PHTF2: variants seen among roughly 807,000 people sequenced by gnomAD.
PHTF2 encodes the protein putative homeodomain transcription factor 2.
PHTF2 carries 60 observed loss-of-function variants against 101.2 expected under a neutral mutation model. The observed-to-expected ratio is 0.59, with a 90% confidence interval of 0.48 to 0.73. The LOEUF is 0.73. Among genes scored for constraint, PHTF2 ranks in the 30% least tolerant of loss-of-function variants. PHTF2 has a pLI of 0.00. For missense variants in PHTF2, 747 were observed against 908.7 expected (o/e 0.82, Z 2.29); for synonymous variants, 311 against 307.3 (o/e 1.01, Z -0.13).
intron 16 of PHTF2, among the ~76,000 whole-genome samples, chr7:77,945,160 T>C (rs977500023): frequency 5.9e-5 from 9 of 152,108 alleles, no homozygotes; most frequent in Non-Finnish European, 1.3e-4. Context: ...GCCAATATGG[T>C]GAAACCTCTC....
At chr7:77,947,294 G>C (rs948086069) in intron 16 of PHTF2, among the ~76,000 whole-genome samples, 1 of 152,012 alleles carries the variant, frequency 6.6e-6, no homozygotes, top group African/African-American at 2.4e-5. Flanking sequence ...GAGCGCGGTG[G>C]CTCACGCCTA....
chr7:77,925,495 G>GTTTTTTTTTTT lies in PHTF2; in HGVS notation c.1119+2738_1119+2748dup, dbSNP rs58290945. 3.0e-3 allele frequency among the ~76,000 whole-genome samples: 220 copies of GTTTTTTTTTTT among 73,164 alleles called. 20 individuals carry two copies. The highest frequency in any genetic ancestry group is 0.012 in the African/African-American group (204 of 17,298). The allele number at this position is 73,164 out of a possible 152,430, so 48.0% of individuals were successfully genotyped here. On this transcript the variant is annotated intron_variant, in intron 11 of 19. Coordinates refer to ENST00000416283, the Ensembl canonical transcript of PHTF2. ...GCAATTATAGGCAATAGTTTTTAGG[G>GTTTTTTTTTTT]TTTTTTTTTTTTTTTTTTTTTTTTT...
intron 3 of PHTF2, among the ~76,000 whole-genome samples, chr7:77,858,807 G>A (rs956481365): frequency 6.6e-6 from 1 of 152,016 alleles, no homozygotes; most frequent in Non-Finnish European, 1.5e-5. Context: ...TTAATTTATT[G>A]TGATAATGAA....
intron 3 of PHTF2, among the ~76,000 whole-genome samples, chr7:77,891,929 GA>G (rs1372628201): frequency 6.6e-6 from 1 of 152,138 alleles, no homozygotes; most frequent in Non-Finnish European, 1.5e-5. Flanking sequence ...GGAAAGTGGT[GA>G]AAAAGAGAAT....
chr7:77,850,360 CAAAAAAAAAAA>C (rs71082789), intron 2 of PHTF2, among the ~76,000 whole-genome samples: 1 of 44,376 alleles, frequency 2.3e-5, no homozygotes, highest in Non-Finnish European at 4.1e-5. Context: ...GACCTTGTCT[CAAAAAAAAAAA>C]AAAAAAAAAA....
intron 8 of PHTF2, 51 bp from the exon 8 acceptor site, chr7:77,910,194 G>C: frequency 6.7e-7 from 1 of 1,496,066 alleles, no homozygotes; most frequent in Non-Finnish European, 9.1e-7. Flanking sequence ...CTGAGAAAGT[G>C]GTTATTAAAA....
At position 77,809,224 on chromosome 7, in the gene PHTF2, G is replaced by GTTTTTTTTTTTTTTT. The variant is rs34141515; in HGVS notation, c.-36+10259_-36+10273dup. The stretch of plus-strand genomic sequence containing the variant: ...TTTTCCTATATAAACCCAGTTCGTT[G>GTTTTTTTTTTTTTTT]TTTTTTTTTTTTTTTTTTTTGAGAT... On this transcript the variant is annotated intron_variant, in intron 1 of 19. Coordinates refer to ENST00000416283, the Ensembl canonical transcript of PHTF2. Among the ~76,000 whole-genome samples, 204 of 98,470 alleles carry GTTTTTTTTTTTTTTT rather than the reference G, an allele frequency of 2.1e-3. 9 individuals carry two copies. Among genetic ancestry groups the GTTTTTTTTTTTTTTT allele is most frequent in the Non-Finnish European group, 2.3e-3 (121 of 51,692 alleles). 64.6% of individuals were successfully genotyped at this position (98,470 alleles called of 152,430 possible). A position where few individuals can be genotyped will look rare whatever the true frequency, so the allele number is the denominator to read the frequency against.
At chr7:77,899,825 CT>C (rs1279127022) in intron 5 of PHTF2, among the ~76,000 whole-genome samples, 2 of 152,186 alleles carry the variant, frequency 1.3e-5, no homozygotes, top group East Asian at 3.8e-4. Context: ...CATCTAAACA[CT>C]TGTGTCATCT....
chr7:77,808,165 G>T (rs1315510859), intron 1 of PHTF2, among the ~76,000 whole-genome samples: 1 of 152,064 alleles, frequency 6.6e-6, no homozygotes, highest in African/African-American at 2.4e-5. Flanking sequence ...GCTATTTGGG[G>T]TCCCTTAAGA....
At chr7:77,881,776 C>T (rs1296757644) in intron 3 of PHTF2, among the ~76,000 whole-genome samples, 1 of 152,178 alleles carries the variant, frequency 6.6e-6, no homozygotes, top group Non-Finnish European at 1.5e-5. Context: ...ATTTCTTTCT[C>T]ATGCATCCAT....
At chr7:77,813,850 C>G (rs1264157753) in intron 1 of PHTF2, among the ~76,000 whole-genome samples, 1 of 151,826 alleles carries the variant, frequency 6.6e-6, no homozygotes, top group Non-Finnish European at 1.5e-5. Context: ...ATTGCATTCT[C>G]CAGTTTCTAG....
chr7:77,948,882 T>C (rs1293706232), intron 16 of PHTF2, among the ~76,000 whole-genome samples: 1 of 152,150 alleles, frequency 6.6e-6, no homozygotes, highest in Non-Finnish European at 1.5e-5. Flanking sequence ...ATATCTAATA[T>C]AGTTGAAGAT....
At chr7:77,830,766 G>T (rs930844707) in intron 1 of PHTF2, among the ~76,000 whole-genome samples, 27 of 152,162 alleles carry the variant, frequency 1.8e-4, no homozygotes, top group Non-Finnish European at 1.9e-4. Context: ...TGCTTCATTT[G>T]TACAGCTGCA....
At chr7:77,924,020 T>C in intron 11 of PHTF2, 9 of 900,068 alleles carry the variant, frequency 1.0e-5, no homozygotes, top group Non-Finnish European at 1.2e-5. Flanking sequence ...ATATAAAATA[T>C]GGCTATAAAA....
exon 20 of PHTF2, chr7:77,956,830 T>G (rs572916883): frequency 6.6e-6 from 1 of 152,336 alleles, no homozygotes; most frequent in Non-Finnish European, 1.5e-5. Context: ...GAAAAGTAGC[T>G]GAGTATACTG....
At chr7:77,802,175 GGTAA>G (rs1273444831) in intron 1 of PHTF2, among the ~76,000 whole-genome samples, 1 of 152,098 alleles carries the variant, frequency 6.6e-6, no homozygotes, top group Non-Finnish European at 1.5e-5. Flanking sequence ...TTTAGGGAAT[GGTAA>G]GTAATTGTAG....
At chr7:77,816,919 A>G (rs1793896108) in intron 1 of PHTF2, among the ~76,000 whole-genome samples, 1 of 152,196 alleles carries the variant, frequency 6.6e-6, no homozygotes, top group Admixed American at 6.5e-5. Flanking sequence ...TTTATGGCAA[A>G]ACAGTATTCC....
intron 9 of PHTF2, among the ~76,000 whole-genome samples, chr7:77,914,516 C>T (rs909760473): frequency 1.3e-5 from 2 of 152,118 alleles, no homozygotes; most frequent in East Asian, 1.9e-4. Flanking sequence ...GGGCCTTCTT[C>T]GAGGTCCTTC....
chr7:77,903,136 C>G (rs1408737332), intron 7 of PHTF2, among the ~76,000 whole-genome samples: 2 of 151,998 alleles, frequency 1.3e-5, no homozygotes, highest in East Asian at 3.9e-4. Flanking sequence ...AATATAACTT[C>G]TAAGTTACTA....
Sources: allele counts gnomAD v4.1 joint callset (sites outside exome capture counted in the v4.1 genomes callset), GRCh38; gene constraint gnomAD v4.1.1; transcripts MANE v1.5; gene names NCBI Gene and HGNC (gene_info 2026-07-23, HGNC 2026-07-21).